The following ARB2A variants were observed in gnomAD, a reference collection of about 807,000 sequenced individuals.
ARB2A encodes the protein ARB2 cotranscriptional regulator A, also known as cotranscriptional regulator ARB2A.
At chr5:93,690,644 G>A in the ARB2A span, among the ~76,000 whole-genome samples, 1 of 152,158 alleles carries the variant, frequency 6.6e-6, no homozygotes, top group Non-Finnish European at 1.5e-5. Flanking sequence ...AGAATTAAAT[G>A]TTCCTGCCTG....
the ARB2A span, among the ~76,000 whole-genome samples, chr5:93,845,290 G>T: frequency 1.8e-4 from 27 of 152,148 alleles, no homozygotes; most frequent in Non-Finnish European, 3.2e-4. Flanking sequence ...TAAACAACAT[G>T]CTATTTAGGA....
chr5:93,840,096 A>G, the ARB2A span, among the ~76,000 whole-genome samples: 4 of 152,032 alleles, frequency 2.6e-5, no homozygotes, highest in African/African-American at 9.7e-5. Flanking sequence ...CCTTGAGGTT[A>G]GGTTAATTTG....
the ARB2A span, among the ~76,000 whole-genome samples, chr5:93,715,801 G>A: frequency 6.6e-6 from 1 of 152,014 alleles, no homozygotes; most frequent in African/African-American, 2.4e-5. Flanking sequence ...AAAAAAAAAT[G>A]CTTGTTAGAA....
the ARB2A span, among the ~76,000 whole-genome samples, chr5:94,080,331 T>C: frequency 2.0e-5 from 3 of 152,196 alleles, no homozygotes; most frequent in Non-Finnish European, 4.4e-5. Flanking sequence ...GGCCAAATTA[T>C]CTTCAGAAGA....
At chr5:94,000,945 A>T in the ARB2A span, among the ~76,000 whole-genome samples, 1 of 152,106 alleles carries the variant, frequency 6.6e-6, no homozygotes, top group Non-Finnish European at 1.5e-5. Flanking sequence ...CTCTATCAAA[A>T]ATCAGTTGAC....
the ARB2A span, among the ~76,000 whole-genome samples, chr5:93,666,921 T>G: frequency 6.6e-6 from 1 of 152,194 alleles, no homozygotes; most frequent in Non-Finnish European, 1.5e-5. Flanking sequence ...ATTCATGAGT[T>G]GTAAATATAA....
chr5:93,908,502 A>T, the ARB2A span, among the ~76,000 whole-genome samples: 1,925 of 150,866 alleles, frequency 0.013, 45 homozygotes, highest in African/African-American at 0.044. Context: ...TTGCCTAAAA[A>T]GTATTAGATA....
the ARB2A span, among the ~76,000 whole-genome samples, chr5:93,668,850 A>ATAGC: frequency 3.3e-5 from 5 of 152,174 alleles, no homozygotes; most frequent in Non-Finnish European, 5.9e-5. Flanking sequence ...GAGACAATGG[A>ATAGC]TAGCTCTACC....
the ARB2A span, among the ~76,000 whole-genome samples, chr5:93,965,841 G>A: frequency 0.016 from 2,391 of 151,954 alleles, 42 homozygotes; most frequent in South Asian, 0.068. Flanking sequence ...CTTTCTTCAA[G>A]GAGTCCAAAA....
the ARB2A span, among the ~76,000 whole-genome samples, chr5:93,962,952 C>G: frequency 2.0e-5 from 3 of 151,954 alleles, no homozygotes; most frequent in African/African-American, 7.2e-5. Context: ...ATGCTGTATA[C>G]AGCCAATTAT....
the ARB2A span, among the ~76,000 whole-genome samples, chr5:93,925,647 T>C: frequency 6.6e-6 from 1 of 152,186 alleles, no homozygotes; most frequent in Non-Finnish European, 1.5e-5. Flanking sequence ...CTGGTATTTT[T>C]GGACTATGGT....
At chr5:93,874,253 T>C in the ARB2A span, among the ~76,000 whole-genome samples, 4 of 152,158 alleles carry the variant, frequency 2.6e-5, no homozygotes, top group African/African-American at 4.8e-5. Context: ...TCATGAGTCA[T>C]AGAGTGTCTT....
the ARB2A span, among the ~76,000 whole-genome samples, chr5:93,906,694 A>T: frequency 6.6e-6 from 1 of 151,614 alleles, no homozygotes; most frequent in Non-Finnish European, 1.5e-5. Context: ...TCAGTGCATT[A>T]AGACTTACTT....
the ARB2A span, among the ~76,000 whole-genome samples, chr5:93,621,456 G>C: frequency 6.6e-6 from 1 of 152,232 alleles, no homozygotes; most frequent in African/African-American, 2.4e-5. Flanking sequence ...GCGGGGACGC[G>C]GCCCGGATCT....
At chr5:93,944,637 T>G in the ARB2A span, among the ~76,000 whole-genome samples, 1 of 141,870 alleles carries the variant, frequency 7.0e-6, no homozygotes, top group Non-Finnish European at 1.5e-5. Context: ...GGTGAGGAGA[T>G]AGGGAGGAGG....
the ARB2A span, chr5:93,683,073 G>T: frequency 8.9e-6 from 14 of 1,564,770 alleles, no homozygotes; most frequent in Non-Finnish European, 9.5e-6. Context: ...GGTGTTGATG[G>T]TTTTGAGTCT....
chr5:93,783,203 A>AG, the ARB2A span, among the ~76,000 whole-genome samples: 1 of 152,168 alleles, frequency 6.6e-6, no homozygotes, highest in African/African-American at 2.4e-5. Flanking sequence ...AGTTACTAAC[A>AG]GCTCATTTAT....
chr5:93,824,329 CAATT>C, the ARB2A span: 4 of 1,220,856 alleles, frequency 3.3e-6, no homozygotes, highest in African/African-American at 1.5e-5. Context: ...TAGCAAACAA[CAATT>C]AAATTATATG....
chr5:93,950,957 AAT>A, the ARB2A span, among the ~76,000 whole-genome samples: 3 of 146,568 alleles, frequency 2.0e-5, no homozygotes, highest in African/African-American at 7.5e-5. Context: ...AAAAAAAAAA[AAT>A]AAAATAAAAT....
Sources: allele counts gnomAD v4.1 joint callset (sites outside exome capture counted in the v4.1 genomes callset), GRCh38; gene constraint gnomAD v4.1.1; transcripts MANE v1.5; gene names NCBI Gene and HGNC (gene_info 2026-07-23, HGNC 2026-07-21).